The following CTNNA2 variants were observed in gnomAD, a reference collection of about 807,000 sequenced individuals.
The protein encoded by CTNNA2 is catenin alpha-2.
A neutral mutation model predicts 101.0 loss-of-function variants in CTNNA2; 42 were observed. That is an observed-to-expected ratio of 0.42 (90% CI 0.32 to 0.54). The LOEUF (loss-of-function observed/expected upper bound fraction) is 0.54. CTNNA2 is among the 20% of genes least tolerant of loss of function. CTNNA2 has a pLI of 0.14. For synonymous variants in CTNNA2, 450 were observed against 456.4 expected (o/e 0.99, Z 0.18); for missense variants, 871 against 1,223.1 (o/e 0.71, Z 4.29).
intron 1 of CTNNA2, among the ~76,000 whole-genome samples, chr2:79,634,045 C>G (rs373325607): frequency 2.6e-5 from 4 of 152,152 alleles, no homozygotes; most frequent in Non-Finnish European, 5.9e-5. Context: ...ATACAGAAGA[C>G]CAATGGATTC....
chr2:80,418,353 A>G (rs1680217813), intron 8 of CTNNA2, among the ~76,000 whole-genome samples: 1 of 152,234 alleles, frequency 6.6e-6, no homozygotes, highest in South Asian at 2.1e-4. Context: ...CACATTATAC[A>G]TGAGCTCACT....
intron 7 of CTNNA2, among the ~76,000 whole-genome samples, chr2:80,014,010 A>G (rs1558728852): frequency 6.6e-6 from 1 of 152,118 alleles, no homozygotes; most frequent in Non-Finnish European, 1.5e-5. Flanking sequence ...CTTAAAACTC[A>G]GTTAGGATTT....
intron 15 of CTNNA2, among the ~76,000 whole-genome samples, chr2:80,599,264 G>A (rs557658358): frequency 6.6e-6 from 1 of 152,288 alleles, no homozygotes; most frequent in Admixed American, 6.5e-5. Context: ...ATATTGGATA[G>A]TGCAGAATTA....
intron 1 of CTNNA2, among the ~76,000 whole-genome samples, chr2:79,519,697 T>A (rs1182908087): frequency 6.6e-6 from 1 of 152,214 alleles, no homozygotes; most frequent in Non-Finnish European, 1.5e-5. Flanking sequence ...TCACCTTCAG[T>A]GGCATATGCT....
intron 7 of CTNNA2, among the ~76,000 whole-genome samples, chr2:80,174,615 TCACAAAGA>T (rs1236626266): frequency 6.6e-6 from 1 of 152,176 alleles, no homozygotes; most frequent in Non-Finnish European, 1.5e-5. Flanking sequence ...ATCTTGAAGG[TCACAAAGA>T]CACCCCAAAC....
chr2:80,444,386 C>T lies in CTNNA2; in HGVS notation c.1290+24785C>T, dbSNP rs116465594. Among the ~76,000 whole-genome samples, 472 of 152,164 alleles carry T rather than the reference C, an allele frequency of 3.1e-3. 4 individuals are homozygous for T. The highest frequency in any genetic ancestry group is 0.011 in the African/African-American group (446 of 41,504). ...AGGGAAGACAATATAAAAAATTATCCCTACCAAGAGGAGGCTGCTACTGAG... is the reference window on the plus strand; with the variant it reads ...AGGGAAGACAATATAAAAAATTATCTCTACCAAGAGGAGGCTGCTACTGAG... On this transcript the variant is annotated intron_variant, in intron 9 of 18. Coordinates refer to ENST00000402739, the MANE Select transcript of CTNNA2 (RefSeq NM_001282597.3).
intron 7 of CTNNA2, among the ~76,000 whole-genome samples, chr2:80,264,442 G>A (rs1672852792): frequency 6.6e-6 from 1 of 152,096 alleles, no homozygotes; most frequent in South Asian, 2.1e-4. Context: ...AGGTAAAAAT[G>A]TATTAGAAGT....
intron 2 of CTNNA2, among the ~76,000 whole-genome samples, chr2:79,292,653 G>A (rs1218549246): frequency 6.6e-6 from 1 of 152,126 alleles, no homozygotes; most frequent in Non-Finnish European, 1.5e-5. Context: ...GACATCCTAA[G>A]AGGCACACAA....
chr2:79,258,850 A>T (rs1202070467), intron 2 of CTNNA2, among the ~76,000 whole-genome samples: 3 of 58,718 alleles, frequency 5.1e-5, no homozygotes, highest in Non-Finnish European at 1.5e-4. Context: ...TCTACCAAAA[A>T]AAAAAAAAAA....
intron 7 of CTNNA2, among the ~76,000 whole-genome samples, chr2:80,068,651 G>A (rs2148773194): frequency 6.6e-6 from 1 of 152,254 alleles, no homozygotes; most frequent in Non-Finnish European, 1.5e-5. Flanking sequence ...TTTTTTGACT[G>A]TTCATTTTTA....
chr2:79,283,080 C>T (rs1477934685), intron 2 of CTNNA2, among the ~76,000 whole-genome samples: 4 of 76,840 alleles, frequency 5.2e-5, no homozygotes, highest in Non-Finnish European at 9.7e-5. Context: ...CTGTTGATGT[C>T]CTTTGCCCAC....
At chr2:79,829,422 A>ACACACACACACACAC (rs1553376366) in intron 3 of CTNNA2, among the ~76,000 whole-genome samples, 1 of 123,920 alleles carries the variant, frequency 8.1e-6, no homozygotes, top group African/African-American at 3.2e-5. Flanking sequence ...CACAGACACA[A>ACACACACACACACAC]AGCCGGGCGA....
chr2:80,553,501 G>A (rs1483763757), intron 11 of CTNNA2, among the ~76,000 whole-genome samples: 1 of 151,920 alleles, frequency 6.6e-6, no homozygotes, highest in African/African-American at 2.4e-5. Flanking sequence ...TAACATATTG[G>A]GTCATGAATG....
chr2:80,286,637 T>C (rs1440752941), intron 7 of CTNNA2, among the ~76,000 whole-genome samples: 1 of 152,194 alleles, frequency 6.6e-6, no homozygotes, highest in Non-Finnish European at 1.5e-5. Flanking sequence ...GAGACCCTTT[T>C]CTTCCATTCT....
chr2:79,208,061 C>T (rs1674123514), intron 2 of CTNNA2, among the ~76,000 whole-genome samples: 1 of 152,152 alleles, frequency 6.6e-6, no homozygotes, highest in Non-Finnish European at 1.5e-5. Flanking sequence ...TAAGACCAGT[C>T]TCCCTTCTCC....
chr2:80,515,412 T>C (rs1272411918), intron 9 of CTNNA2, among the ~76,000 whole-genome samples: 1 of 152,214 alleles, frequency 6.6e-6, no homozygotes, highest in Non-Finnish European at 1.5e-5. Flanking sequence ...TTTATTCCCT[T>C]GGATAGCTCA....
intron 7 of CTNNA2, among the ~76,000 whole-genome samples, chr2:80,197,006 C>A (rs955111692): frequency 6.6e-6 from 1 of 152,156 alleles, no homozygotes; most frequent in African/African-American, 2.4e-5. Context: ...ATATTGCATG[C>A]ACGTACTATT....
In CTNNA2 at chr2:79,678,487, A is replaced by G. The variant is rs377236626; in HGVS notation, c.102+26829A>G. On this transcript the variant is annotated intron_variant, in intron 2 of 18. Coordinates refer to ENST00000402739, the MANE Select transcript of CTNNA2 (RefSeq NM_001282597.3). ...AAGGTGGAGGTTGCAGTTAGCCAAG[A>G]TCACACCACTGCACTCCAGCCTGGG... Among the ~76,000 whole-genome samples, 8 of 151,388 alleles carry G rather than the reference A, an allele frequency of 5.3e-5. No individual in the cohort carries two copies. The East Asian group carries it at 1.6e-3, about 30-fold the overall frequency.
At chr2:80,611,976 A>G (rs1305169038) in intron 17 of CTNNA2, among the ~76,000 whole-genome samples, 3 of 151,646 alleles carry the variant, frequency 2.0e-5, no homozygotes, top group African/African-American at 4.8e-5. Flanking sequence ...ATGTCTCTGT[A>G]TTAACAAAAT....
Sources: allele counts gnomAD v4.1 joint callset (sites outside exome capture counted in the v4.1 genomes callset), GRCh38; gene constraint gnomAD v4.1.1; transcripts MANE v1.5; gene names NCBI Gene and HGNC (gene_info 2026-07-23, HGNC 2026-07-21).